Variants in STX1B observed in about 807,000 individuals in gnomAD.
STX1B encodes the protein syntaxin-1B.
In STX1B, 7 loss-of-function variants were observed where a neutral mutation model predicts 39.4. That is an observed-to-expected ratio of 0.18 (90% CI 0.10 to 0.33). STX1B has a LOEUF of 0.33. STX1B is among the 10% of genes least tolerant of loss of function. The probability of loss-of-function intolerance (pLI) is 1.00; values close to 1 mark genes in which losing one functional copy is unlikely to be tolerated. For synonymous variants in STX1B, 136 were observed against 144.1 expected, an observed-to-expected ratio of 0.94 and a Z score of 0.40; for missense variants, 198 against 383.2, an observed-to-expected ratio of 0.52 and a Z score of 4.04.
rs979913226 is a variant in STX1B, at chr16:31,010,507, C to T, written c.-111G>A. On this transcript the variant is annotated 5_prime_UTR_variant, in exon 1 of 10. Coordinates refer to ENST00000215095, the MANE Select transcript of STX1B (RefSeq NM_052874.5). Reference sequence around the variant, plus strand: ...CTGGGGGCGCCGGGGGGCGCCGCGGCCGCTGCGGGGGGCCTGCGGGCGGGG... The same window carrying T: ...CTGGGGGCGCCGGGGGGCGCCGCGGTCGCTGCGGGGGGCCTGCGGGCGGGG... 6.9e-6 allele frequency: 5 copies of T among 725,868 alleles called. No homozygotes were observed. The African/African-American group carries it at 9.7e-5, about 14-fold the overall frequency. The allele number at this position is 725,868 out of a possible 1,614,324, so 45.0% of individuals were successfully genotyped here.
rs981959128 is a variant in STX1B at position 30,993,570 on chromosome 16, T to C, written c.538-86A>G. 62 of 1,490,044 alleles carry C rather than the reference T, an allele frequency of 4.2e-5. No homozygotes were observed. The Admixed American group carries it at 1.1e-3, about 26-fold the overall frequency. The allele number at this position is 1,490,044 out of a possible 1,614,324, so 92.3% of individuals were successfully genotyped here. A position where few individuals can be genotyped will look rare whatever the true frequency, so the allele number is the denominator to read the frequency against. On this transcript the variant is annotated intron_variant, in intron 7 of 9. Transcript: ENST00000215095. ...GTGGAGTGGCCAGGGTCAAATCCGG[T>C]GTCATTTACTAGCTGAAACCTTAGG...
At chr16:30,994,892 C>CTTTTTTTTTTTTTTTTT (rs10524041) in intron 7 of STX1B, among the ~76,000 whole-genome samples, 13 of 99,830 alleles carry the variant, frequency 1.3e-4, no homozygotes, top group East Asian at 1.1e-3. Context: ...GTCTCCCCGT[C>CTTTTTTTTTTTTTTTTT]TTTTTTTTTT....
At position 30,996,705 on chromosome 16, in the gene STX1B, T is replaced by C; in HGVS notation, c.515A>G (p.Lys172Arg). 6.2e-7 allele frequency: 1 copy of C among 1,614,082 alleles called. No homozygotes were observed. Among genetic ancestry groups the C allele is most frequent in the Non-Finnish European group, 8.5e-7 (1 of 1,179,926 alleles). ...EELEDMLESG[K>R]LAIFTDDIKM... ...CACGTCATCTGTGAAGATGGCCAGC[T>C]TCCCGCTCTCCAGCATGTCTTCCAG... The change falls in exon 7 of 10, where the codon AAG becomes AGG. Residue 172 changes from lysine (K) to arginine (R), a missense_variant. Physicochemically the swap from Lys to Arg is conservative, Grantham distance 26. Coordinates refer to ENST00000215095, the MANE Select transcript of STX1B (RefSeq NM_052874.5).
In STX1B at chr16:31,010,462, T is replaced by C. The variant is rs1395971170; in HGVS notation, c.-66A>G. 2 of 1,262,356 alleles carry C rather than the reference T, an allele frequency of 1.6e-6. No homozygotes were observed. Among genetic ancestry groups the C allele is most frequent in the Non-Finnish European group, 2.1e-6 (2 of 968,832 alleles). The allele number at this position is 1,262,356 out of a possible 1,614,324, so 78.2% of individuals were successfully genotyped here. On this transcript the variant is annotated 5_prime_UTR_variant, in exon 1 of 10. Coordinates refer to ENST00000215095, the MANE Select transcript of STX1B (RefSeq NM_052874.5). ...CTGCTGCTGCTCCGGGTCTCCCGCCTCTGTGCCGGAGGCCGGGGTCTGGGG... is the reference window on the plus strand; with the variant it reads ...CTGCTGCTGCTCCGGGTCTCCCGCCCCTGTGCCGGAGGCCGGGGTCTGGGG...
chr16:31,000,411 C>T (rs1188775491), intron 4 of STX1B, among the ~76,000 whole-genome samples: 1 of 151,116 alleles, frequency 6.6e-6, no homozygotes, highest in East Asian at 1.9e-4. Flanking sequence ...CGGCTCACTG[C>T]AGCCTCGACC....
chr16:31,009,646 C>A (rs1012587722), intron 1 of STX1B, among the ~76,000 whole-genome samples: 1 of 151,926 alleles, frequency 6.6e-6, no homozygotes, highest in Non-Finnish European at 1.5e-5. Context: ...TGGAGCCGGG[C>A]CTCTTCAGGC....
At chr16:31,009,446 C>T (rs1384154107) in intron 1 of STX1B, among the ~76,000 whole-genome samples, 6 of 152,012 alleles carry the variant, frequency 3.9e-5, no homozygotes, top group Non-Finnish European at 8.8e-5. Context: ...ATAACACCAC[C>T]AGCCCAGCAC....
intron 7 of STX1B, 120 bp downstream of exon 7, chr16:30,996,563 C>G: frequency 1.1e-6 from 1 of 908,068 alleles, no homozygotes; most frequent in Non-Finnish European, 1.7e-6. Context: ...CCCCAGTTCC[C>G]GGCTCAGGCT....
At chr16:30,994,730 TGCTCTACA>T (rs2056582696) in intron 7 of STX1B, among the ~76,000 whole-genome samples, 2 of 152,110 alleles carry the variant, frequency 1.3e-5, no homozygotes. Flanking sequence ...GCCACTCCTC[TGCTCTACA>T]GCCTGCCATG....
Position 30,997,064 on chromosome 16 carries a change from G to A in STX1B, c.355-5C>T, listed in dbSNP as rs1410123185. ...CTTCCGGGACAGTGTGGAGTGCTACGGTGGGGGTGGGGGGACAGACGGATC... is the reference window on the plus strand; with the variant it reads ...CTTCCGGGACAGTGTGGAGTGCTACAGTGGGGGTGGGGGGACAGACGGATC... On this transcript the variant is annotated splice_region_variant and splice_polypyrimidine_tract_variant and intron_variant, in intron 5 of 9. Transcript: ENST00000215095. The A allele has an allele frequency of 1.0e-5, 16 of 1,595,992 alleles. No homozygotes were observed. The highest frequency in any genetic ancestry group is 1.6e-4 in the Middle Eastern group (1 of 6,062).
At chr16:30,992,942 A>G (rs2056570745) in intron 9 of STX1B, 41 bp from the exon 10 acceptor site, 1 of 1,542,926 alleles carries the variant, frequency 6.5e-7, no homozygotes, top group African/African-American at 1.4e-5. Context: ...ACAGTGAGAG[A>G]GATCGACACA....
At position 31,010,454 on chromosome 16, in the gene STX1B, C is replaced by G. The variant is rs960722564; in HGVS notation, c.-58G>C. ...TCCTGCCTCTGCTGCTGCTCCGGGT[C>G]TCCCGCCTCTGTGCCGGAGGCCGGG... On this transcript the variant is annotated 5_prime_UTR_variant, in exon 1 of 10. Coordinates refer to ENST00000215095, the MANE Select transcript of STX1B (RefSeq NM_052874.5). The G allele has an allele frequency of 6.8e-6, 9 of 1,317,294 alleles. No individual in the cohort carries two copies. In the Admixed American group the frequency reaches 7.8e-5, roughly 11 times the overall value. The allele number at this position is 1,317,294 out of a possible 1,614,324, so 81.6% of individuals were successfully genotyped here.
chr16:30,997,528 C>T lies in STX1B; in HGVS notation c.328G>A (p.Ala110Thr), dbSNP rs1390065721. 1 of 1,609,888 alleles carries T rather than the reference C, an allele frequency of 6.2e-7. No homozygotes were observed. Among genetic ancestry groups the T allele is most frequent in the Non-Finnish European group, 8.5e-7 (1 of 1,178,628 alleles). The change falls in exon 5 of 10, where the codon GCG becomes ACG. Residue 110 changes from alanine to threonine, a missense_variant. Transcript: ENST00000215095. ...EQEEGLNRSS[A>T]DLRIRKTQHS... ...TGGGTCTTGCGGATGCGCAGGTCCGCGGAGGAACGGTTCAGCCCCTCCTCC... is the reference window on the plus strand; with the variant it reads ...TGGGTCTTGCGGATGCGCAGGTCCGTGGAGGAACGGTTCAGCCCCTCCTCC...
At position 31,001,048 on chromosome 16, in the gene STX1B, AG is replaced by A; in HGVS notation, c.205+45del. On this transcript the variant is annotated intron_variant, in intron 3 of 9. Coordinates refer to ENST00000215095, the MANE Select transcript of STX1B (RefSeq NM_052874.5). This position sits in a 1 kb window ranked among gnomAD's most constrained non-coding sequence, Gnocchi z 5.5. ...AGTGAGATGTCTGGGTGGGAACCCC[AG>A]GCCCCTTCTCCTCCCACCCCACAGT... 6.2e-7 allele frequency: 1 copy of A among 1,613,852 alleles called. No individual in the cohort carries two copies. Among genetic ancestry groups the A allele is most frequent in the Non-Finnish European group, 8.5e-7 (1 of 1,179,738 alleles).
Position 31,010,387 on chromosome 16 carries a change from G to T in STX1B, c.10C>A (p.Arg4=). 1 of 1,488,400 alleles carries T rather than the reference G, an allele frequency of 6.7e-7. No individual in the cohort carries two copies. 92.2% of individuals were successfully genotyped at this position (1,488,400 alleles called of 1,614,324 possible). The change falls in exon 1 of 10, where the codon CGG becomes AGG. Residue 4 remains arginine (R), a synonymous_variant. Transcript: ENST00000215095. MKD[R]TQELRSAKDS... ...CTCACACTCCGCAGCTCTTGAGTCC[G>T]ATCCTTCATCCTGCGACGGCTCCTC...
chr16:30,996,447 AGTTG>A, intron 7 of STX1B: 1 of 492,296 alleles, frequency 2.0e-6, no homozygotes, highest in East Asian at 3.4e-5. Context: ...GTATTAAATG[AGTTG>A]GTGGGTGAAT....
Position 30,992,650 on chromosome 16 carries a change from G to GT in STX1B, c.*170_*171insA, listed in dbSNP as rs1491109683. On this transcript the variant is annotated 3_prime_UTR_variant, in exon 10 of 10. Transcript: ENST00000215095. ...GATCTACGTGCGGGGACGGGGGGGGGGTCCATGGCCCGGTGAGGTCCAGGG... is the reference window on the plus strand; with the variant it reads ...GATCTACGTGCGGGGACGGGGGGGGGTGTCCATGGCCCGGTGAGGTCCAGGG... 4 of 519,990 alleles carry GT rather than the reference G, an allele frequency of 7.7e-6. No homozygotes were observed. The highest frequency in any genetic ancestry group is 1.4e-5 in the Non-Finnish European group (4 of 289,966). The allele number at this position is 519,990 out of a possible 1,614,324, so 32.2% of individuals were successfully genotyped here.
chr16:30,999,678 A>G (rs77353311), intron 4 of STX1B, among the ~76,000 whole-genome samples: 10,023 of 152,288 alleles, frequency 0.066, 458 homozygotes, highest in Non-Finnish European at 0.1. Flanking sequence ...ACCGATTCAG[A>G]GGCATTTGCT....
At chr16:30,993,564 A>G in intron 7 of STX1B, 80 bp from the exon 8 acceptor site, 1 of 1,526,916 alleles carries the variant, frequency 6.5e-7, no homozygotes, top group South Asian at 1.1e-5. Context: ...CCAGGGTCAA[A>G]TCCGGTGTCA....
Sources: allele counts gnomAD v4.1 joint callset (sites outside exome capture counted in the v4.1 genomes callset), GRCh38; gene constraint gnomAD v4.1.1; non-coding constraint Gnocchi (gnomAD v3.1); transcripts MANE v1.5; gene names NCBI Gene and HGNC (gene_info 2026-07-23, HGNC 2026-07-21).